CACNA1C: variants seen among roughly 807,000 people sequenced by gnomAD.
The protein encoded by CACNA1C is voltage-dependent L-type calcium channel subunit alpha-1C.
In CACNA1C, 30 loss-of-function variants were observed where a neutral mutation model predicts 229.0. That is an observed-to-expected ratio of 0.13 (90% CI 0.10 to 0.18). The LOEUF is 0.18. CACNA1C is among the 10% of genes least tolerant of loss of function. The pLI, the probability that CACNA1C is intolerant of heterozygous loss-of-function variation, is 1.00. For synonymous variants in CACNA1C, 1,114 were observed against 1,132.5 expected, an observed-to-expected ratio of 0.98 and a Z score of 0.33; for missense variants, 1,658 against 2,845.0, an observed-to-expected ratio of 0.58 and a Z score of 9.49.
chr12:2,616,192 T>C (rs2080459101), intron 29 of CACNA1C, among the ~76,000 whole-genome samples: 1 of 152,202 alleles, frequency 6.6e-6, no homozygotes, highest in South Asian at 2.1e-4. Flanking sequence ...TTGGCCCCTC[T>C]GACCCCCTGC....
chr12:2,344,945 T>C (rs1025915630), intron 3 of CACNA1C, among the ~76,000 whole-genome samples: 4 of 151,398 alleles, frequency 2.6e-5, no homozygotes, highest in African/African-American at 9.7e-5. Flanking sequence ...CCTAAGAGAC[T>C]AGCTTTGGGG....
rs72236498 is a variant in CACNA1C at position 2,646,789 on chromosome 12, A to AGTGT, written c.3913-1678_3913-1675dup. On this transcript the variant is annotated intron_variant, in intron 30 of 46. Transcript: ENST00000399655. The surrounding 1 kb of genome is among the most constrained non-coding windows in gnomAD (Gnocchi z 4.6). Reference sequence around the variant, plus strand: ...GAGAAAGAGAGAGAGAGAGAGAGAGAGTGTGTGTGTGCGCGTGTGTGTGTC... The same window carrying AGTGT: ...GAGAAAGAGAGAGAGAGAGAGAGAGAGTGTGTGTGTGTGTGCGCGTGTGTGTGTC... Among the ~76,000 whole-genome samples, 1 of 131,874 alleles carries AGTGT rather than the reference A, an allele frequency of 7.6e-6. No individual in the cohort carries two copies. The highest frequency in any genetic ancestry group is 3.1e-5 in the African/African-American group (1 of 31,910). The allele number at this position is 131,874 out of a possible 152,430, so 86.5% of individuals were successfully genotyped here. A position where few individuals can be genotyped will look rare whatever the true frequency, so the allele number is the denominator to read the frequency against.
At chr12:2,436,710 G>A (rs538842893) in intron 3 of CACNA1C, among the ~76,000 whole-genome samples, 24 of 152,206 alleles carry the variant, frequency 1.6e-4, no homozygotes, top group South Asian at 1.2e-3. Flanking sequence ...ACTGGGCACC[G>A]TTGCAGAGAC....
intron 34 of CACNA1C, among the ~76,000 whole-genome samples, chr12:2,659,457 A>G (rs1373932496): frequency 6.6e-6 from 1 of 152,206 alleles, no homozygotes; most frequent in Non-Finnish European, 1.5e-5. Context: ...AGTCCACTCT[A>G]TGCTGTTTGC....
At chr12:2,169,879 G>C (rs1428643398) in intron 3 of CACNA1C, among the ~76,000 whole-genome samples, 5 of 152,188 alleles carry the variant, frequency 3.3e-5, no homozygotes, top group Non-Finnish European at 7.3e-5. Context: ...TGTTAGAACA[G>C]GTTGATTGAG....
intron 10 of CACNA1C, among the ~76,000 whole-genome samples, chr12:2,550,364 C>G (rs755069934): frequency 7.2e-5 from 11 of 152,138 alleles, no homozygotes; most frequent in Non-Finnish European, 1.6e-4. Context: ...AAGTCTGTTT[C>G]TTTCACTCCA....
intron 3 of CACNA1C, among the ~76,000 whole-genome samples, chr12:2,172,034 G>A (rs1359826922): frequency 1.3e-5 from 2 of 152,176 alleles, no homozygotes; most frequent in African/African-American, 4.8e-5. Flanking sequence ...GTGAATGCAG[G>A]GTTGTTCCTG....
At chr12:2,687,402 G>A (rs951288109) in intron 45 of CACNA1C, among the ~76,000 whole-genome samples, 1 of 152,170 alleles carries the variant, frequency 6.6e-6, no homozygotes, top group Admixed American at 6.5e-5. Context: ...GCTCTCTCCC[G>A]GGAGCACATC....
At chr12:2,182,617 C>T (rs1275212262) in intron 3 of CACNA1C, among the ~76,000 whole-genome samples, 1 of 152,198 alleles carries the variant, frequency 6.6e-6, no homozygotes, top group Admixed American at 6.5e-5. Context: ...CCTACACTCT[C>T]TCCTTTCCTT....
At chr12:2,057,237 G>C (rs1273507455) in intron 1 of CACNA1C, among the ~76,000 whole-genome samples, 1 of 152,208 alleles carries the variant, frequency 6.6e-6, no homozygotes, top group Non-Finnish European at 1.5e-5. Flanking sequence ...TGGAGATTTC[G>C]AGGCCCTGCT....
chr12:2,623,346 A>C (rs971061223), intron 29 of CACNA1C, among the ~76,000 whole-genome samples: 3 of 151,818 alleles, frequency 2.0e-5, no homozygotes, highest in Non-Finnish European at 2.9e-5. Context: ...TGCCCCCACG[A>C]GCCTCTCCAT....
At chr12:2,211,152 G>A (rs936987311) in intron 3 of CACNA1C, among the ~76,000 whole-genome samples, 2 of 152,232 alleles carry the variant, frequency 1.3e-5, no homozygotes, top group African/African-American at 2.4e-5. Context: ...TCCCTTCAGC[G>A]TCAGCAATGA....
chr12:2,634,959 A>T (rs920882782), intron 30 of CACNA1C, among the ~76,000 whole-genome samples: 2 of 152,160 alleles, frequency 1.3e-5, no homozygotes, highest in African/African-American at 4.8e-5. Flanking sequence ...TTCATTTAAC[A>T]TCAGCAGCCC....
chr12:1,998,165 G>T (rs189514930), intron 1 of CACNA1C, among the ~76,000 whole-genome samples: 1 of 152,348 alleles, frequency 6.6e-6, no homozygotes, highest in Admixed American at 6.5e-5. Flanking sequence ...AGATTAGGCA[G>T]CAGGAAGCAG....
chr12:2,055,060 G>A (rs1049452451), intron 1 of CACNA1C, among the ~76,000 whole-genome samples: 2 of 152,238 alleles, frequency 1.3e-5, no homozygotes, highest in Admixed American at 1.3e-4. Context: ...TGGCAGCTTG[G>A]GGATTGTGGC....
In CACNA1C at chr12:2,563,449, T is replaced by G. The variant is rs188921577; in HGVS notation, c.1509-2973T>G. Among the ~76,000 whole-genome samples the G allele has an allele frequency of 9.3e-4, 141 of 152,314 alleles. 1 individual carries two copies. Among genetic ancestry groups the G allele is most frequent in the African/African-American group, 3.4e-3 (140 of 41,570 alleles). ...GATTTTCCCCCAAGTGGTAGGCCAGTGTCGCATGTTAAGGTGTGGCCCTCA... is the reference window on the plus strand; with the variant it reads ...GATTTTCCCCCAAGTGGTAGGCCAGGGTCGCATGTTAAGGTGTGGCCCTCA... On this transcript the variant is annotated intron_variant, in intron 11 of 46. Coordinates refer to ENST00000399655, the MANE Select transcript of CACNA1C (RefSeq NM_000719.7).
At position 2,280,237 on chromosome 12, in the gene CACNA1C, GAGACCTTGCTGTGCTTCGGTTTA is replaced by G. The variant is rs1423108268; in HGVS notation, c.477+159809_477+159831del. ...TTGCTGTGCTTCGGTTTAACCTCTTGAGACCTTGCTGTGCTTCGGTTTAACCTCTTGATACCTTGCTGTGCTTC... is the reference window on the plus strand; with the variant it reads ...TTGCTGTGCTTCGGTTTAACCTCTTGACCTCTTGATACCTTGCTGTGCTTC... On this transcript the variant is annotated intron_variant, in intron 3 of 46. Transcript: ENST00000399655. 4.9e-4 allele frequency among the ~76,000 whole-genome samples: 53 copies of G among 108,856 alleles called. 1 individual carries two copies. Among genetic ancestry groups the G allele is most frequent in the South Asian group, 1.8e-3 (5 of 2,782 alleles). 71.4% of individuals were successfully genotyped at this position (108,856 alleles called of 152,430 possible). A position where few individuals can be genotyped will look rare whatever the true frequency, so the allele number is the denominator to read the frequency against.
At chr12:2,266,157 C>T (rs931545312) in intron 3 of CACNA1C, among the ~76,000 whole-genome samples, 6 of 152,232 alleles carry the variant, frequency 3.9e-5, no homozygotes, top group African/African-American at 1.4e-4. Context: ...ACACATTCTC[C>T]CTGCCCCAAA....
intron 10 of CACNA1C, among the ~76,000 whole-genome samples, chr12:2,556,100 T>A (rs2044097854): frequency 6.6e-6 from 1 of 152,192 alleles, no homozygotes; most frequent in Non-Finnish European, 1.5e-5. Flanking sequence ...TGCCTTCTAA[T>A]GGTCTCAACT....
Sources: gnomAD v4.1 joint callset for allele counts (sites outside exome capture counted in the v4.1 genomes callset) on GRCh38, gnomAD v4.1.1 for gene constraint, Gnocchi (gnomAD v3.1) non-coding constraint, MANE v1.5 for transcripts, NCBI Gene and HGNC (gene_info 2026-07-23, HGNC 2026-07-21) for gene names.